Variants in ACSM6 observed in about 807,000 individuals in gnomAD.
ACSM6 encodes acyl-coenzyme A synthetase ACSM6, mitochondrial.
ACSM6 carries 35 observed loss-of-function variants against 51.1 expected under a neutral mutation model. That is an observed-to-expected ratio of 0.69 (90% confidence interval 0.52 to 0.91). The LOEUF (loss-of-function observed/expected upper bound fraction) is 0.91. Among genes scored for constraint, ACSM6 ranks in the 40% least tolerant of loss-of-function variants. ACSM6 has a pLI of 0.00. For missense variants in ACSM6, 509 were observed against 584.1 expected (o/e 0.87, Z 1.32); for synonymous variants, 172 against 207.3 (o/e 0.83, Z 1.46).
chr10:95,201,622 G>A (rs1208560451), intron 2 of ACSM6: 2 of 466,194 alleles, frequency 4.3e-6, no homozygotes, highest in Non-Finnish European at 8.5e-6. Flanking sequence ...ATAAACACAT[G>A]AATGCAGGTG....
At chr10:95,223,479 T>G (rs1310302447) in intron 9 of ACSM6, among the ~76,000 whole-genome samples, 1 of 152,130 alleles carries the variant, frequency 6.6e-6, no homozygotes, top group Non-Finnish European at 1.5e-5. Flanking sequence ...ATAAATGGAT[T>G]ATATACCATA....
chr10:95,206,595 C>T (rs537870081), intron 3 of ACSM6, among the ~76,000 whole-genome samples: 1 of 152,264 alleles, frequency 6.6e-6, no homozygotes, highest in Non-Finnish European at 1.5e-5. Flanking sequence ...TACTGCAAGA[C>T]AAGCAAGGTC....
chr10:95,203,919 T>G (rs989149934), intron 3 of ACSM6, among the ~76,000 whole-genome samples: 2 of 145,902 alleles, frequency 1.4e-5, no homozygotes, highest in African/African-American at 5.1e-5. Flanking sequence ...TCTTTGAGAA[T>G]GCCAGCTGTC....
exon 9 of ACSM6, chr10:95,219,960 T>G: frequency 1.2e-6 from 2 of 1,610,928 alleles, no homozygotes; most frequent in Non-Finnish European, 1.7e-6. Context: ...ATTGCCACCT[T>G]ATATTGTCCA....
intron 2 of ACSM6, among the ~76,000 whole-genome samples, chr10:95,200,170 A>G (rs536357873): frequency 0.011 from 1,641 of 152,268 alleles, 39 homozygotes; most frequent in African/African-American, 0.036. Flanking sequence ...TGCAGCCATA[A>G]AAAATGATGA....
Position 95,194,997 on chromosome 10 carries a change from C to T in ACSM6, c.192+320C>T, listed in dbSNP as rs147561122. 5.3e-5 allele frequency among the ~76,000 whole-genome samples: 8 copies of T among 152,212 alleles called. No homozygotes were observed. In the East Asian group the frequency reaches 1.4e-3, roughly 26 times the overall value. On this transcript the variant is annotated intron_variant, in intron 2 of 10. Transcript: ENST00000341686. The stretch of plus-strand genomic sequence containing the variant: ...TGTCGAGAAGATTAAATGAGACAAT[C>T]AATAAAAAGTGTTTAGCACAGGACT...
At chr10:95,205,802 T>G (rs1156508556) in intron 3 of ACSM6, among the ~76,000 whole-genome samples, 1 of 152,228 alleles carries the variant, frequency 6.6e-6, no homozygotes. Flanking sequence ...AGAAAGATAC[T>G]TCTTTGTGTC....
At chr10:95,228,008 T>C (rs2035057182) in intron 10 of ACSM6, among the ~76,000 whole-genome samples, 2 of 152,060 alleles carry the variant, frequency 1.3e-5, no homozygotes, top group Admixed American at 1.3e-4. Context: ...GTGGCAGATG[T>C]TGGCAGTGAG....
exon 11 of ACSM6, chr10:95,228,926 C>A: frequency 9.1e-6 from 8 of 879,216 alleles, no homozygotes; most frequent in African/African-American, 1.7e-5. Flanking sequence ...CATCCATAAT[C>A]TCATATTGTG....
At chr10:95,210,780 A>G (rs769148564) in exon 5 of ACSM6, 1 of 1,613,726 alleles carries the variant, frequency 6.2e-7, no homozygotes, top group Non-Finnish European at 8.5e-7. Flanking sequence ...AATGGGATTC[A>G]GCCAGGCTTC....
intron 9 of ACSM6, among the ~76,000 whole-genome samples, chr10:95,224,528 G>A (rs1009156872): frequency 6.6e-6 from 1 of 152,192 alleles, no homozygotes; most frequent in Admixed American, 6.5e-5. Flanking sequence ...AGCCTCCCAA[G>A]TAGCTGGGAT....
At chr10:95,200,870 G>A (rs923321814) in intron 2 of ACSM6, among the ~76,000 whole-genome samples, 1 of 151,452 alleles carries the variant, frequency 6.6e-6, no homozygotes, top group Non-Finnish European at 1.5e-5. Flanking sequence ...AGGAGGGAAA[G>A]AAGGAAAAAA....
At chr10:95,205,628 C>T (rs915847086) in intron 3 of ACSM6, among the ~76,000 whole-genome samples, 28 of 152,104 alleles carry the variant, frequency 1.8e-4, no homozygotes, top group African/African-American at 7.2e-5. Flanking sequence ...ATGCCAAAAT[C>T]GAAAACATAT....
intron 2 of ACSM6, among the ~76,000 whole-genome samples, chr10:95,198,940 T>G (rs189036532): frequency 1.3e-5 from 2 of 152,190 alleles, no homozygotes; most frequent in Non-Finnish European, 2.9e-5. Context: ...AGGTAATTTA[T>G]AGAATCAATA....
chr10:95,195,953 T>C (rs906722951), intron 2 of ACSM6, among the ~76,000 whole-genome samples: 4 of 151,964 alleles, frequency 2.6e-5, no homozygotes, highest in Admixed American at 2.6e-4. Context: ...TGAAGGACTT[T>C]GGGGTGCTTT....
At chr10:95,217,343 T>A in intron 8 of ACSM6, among the ~76,000 whole-genome samples, 1 of 108,972 alleles carries the variant, frequency 9.2e-6, no homozygotes. Context: ...TGAGACTCCA[T>A]CTCAAAAAAA....
rs553521145 is a variant in ACSM6 at position 95,214,943 on chromosome 10, G to C, written c.1087G>C (p.Asp363His). Residue 363 changes from aspartate (D) to histidine (H), a missense_variant, in exon 8 of 11, where the codon GAC becomes CAC. Transcript: ENST00000341686. ...GGACTGGAAACGCATCACTAAGTTG[G>C]ACATCTATGAAGGCTATGGGCAGAC... 14 of 1,551,574 alleles carry C rather than the reference G, an allele frequency of 9.0e-6. No individual in the cohort carries two copies. The East Asian group carries it at 3.4e-4, about 38-fold the overall frequency.
chr10:95,217,061 A>T (rs1439182928), intron 8 of ACSM6, among the ~76,000 whole-genome samples: 1 of 152,228 alleles, frequency 6.6e-6, no homozygotes, highest in East Asian at 1.9e-4. Flanking sequence ...AAGAAAATAG[A>T]GAAGTGGGCC....
At chr10:95,203,210 C>T (rs2034811618) in intron 3 of ACSM6, among the ~76,000 whole-genome samples, 1 of 152,110 alleles carries the variant, frequency 6.6e-6, no homozygotes, top group Non-Finnish European at 1.5e-5. Flanking sequence ...GTGCACCCCA[C>T]ATGAGAATTT....
Sources: allele counts gnomAD v4.1 joint callset (sites outside exome capture counted in the v4.1 genomes callset), GRCh38; gene constraint gnomAD v4.1.1; transcripts MANE v1.5; gene names NCBI Gene and HGNC (gene_info 2026-07-23, HGNC 2026-07-21).